Variants in BRWD3 observed in about 807,000 individuals in gnomAD.
BRWD3 encodes bromodomain and WD repeat-containing protein 3.
BRWD3 carries 10 observed loss-of-function variants against 149.7 expected under a neutral mutation model. The ratio of observed to expected loss-of-function variants is 0.07; its 90% confidence interval spans 0.04 to 0.11. The LOEUF (loss-of-function observed/expected upper bound fraction) is 0.11, where lower values mean the gene tolerates loss of function less well. BRWD3 is among the 10% of genes least tolerant of loss of function. BRWD3 has a pLI of 1.00. For missense variants in BRWD3, 940 were observed against 1,373.2 expected, an observed-to-expected ratio of 0.68 and a Z score of 4.99; for synonymous variants, 504 against 456.7, an observed-to-expected ratio of 1.10 and a Z score of -1.32.
At chrX:80,807,835 T>C (rs1009273407) in intron 4 of BRWD3, among the ~76,000 whole-genome samples, 4 of 111,669 alleles carry the variant, frequency 3.6e-5, no homozygotes, top group African/African-American at 9.8e-5. Flanking sequence ...TAACTCAGTT[T>C]CTATTTAGTG....
At chrX:80,689,720 A>G in intron 33 of BRWD3, 48 bp downstream of exon 33, 1 of 1,060,371 alleles carries the variant, frequency 9.4e-7, no homozygotes, top group Non-Finnish European at 1.3e-6. Context: ...CTGTACTTCA[A>G]ATAAGAGAAA....
At chrX:80,732,221 C>A (rs1301905682) in intron 12 of BRWD3, among the ~76,000 whole-genome samples, 5 of 112,131 alleles carry the variant, frequency 4.5e-5, no homozygotes, top group African/African-American at 9.7e-5. Context: ...ATATCCACTT[C>A]CGGTATACCA....
chrX:80,786,563 T>C lies in BRWD3; in HGVS notation c.430+5291A>G, dbSNP rs888251017. 4.5e-5 allele frequency among the ~76,000 whole-genome samples: 5 copies of C among 110,961 alleles called. 1 individual carries two copies. The highest frequency in any genetic ancestry group is 3.9e-4 in the Admixed American group (4 of 10,382). On this transcript the variant is annotated intron_variant, in intron 6 of 40. Transcript: ENST00000373275. ...TCTTGCTCTGTCGCCCAGGCTGGAA[T>C]GCAGTCAGTCGTGCAATTTTGGCTC...
intron 14 of BRWD3, among the ~76,000 whole-genome samples, chrX:80,728,045 GT>G (rs1187568222): frequency 8.9e-6 from 1 of 111,857 alleles, no homozygotes; most frequent in Non-Finnish European, 1.9e-5. Context: ...CCATGATATA[GT>G]ATAAAGACAA....
At position 80,733,276 on chromosome X, in the gene BRWD3, T is replaced by C. The variant is rs78935190; in HGVS notation, c.1127+180A>G. 6.5e-5 allele frequency: 26 copies of C among 397,988 alleles called. No individual in the cohort carries two copies. In the East Asian group the frequency reaches 9.6e-4, roughly 15 times the overall value. 32.8% of individuals were successfully genotyped at this position (397,988 alleles called of 1,213,427 possible). ...GAAAGGACGACCTGATAGGCTATGG[T>C]TACTACTTGGATGAGATTGTGGAAG... is the stretch of plus-strand genomic sequence containing the variant. On this transcript the variant is annotated intron_variant, in intron 12 of 40. Coordinates refer to ENST00000373275, the MANE Select transcript of BRWD3 (RefSeq NM_153252.5).
At chrX:80,753,040 T>C (rs1314259670) in intron 6 of BRWD3, among the ~76,000 whole-genome samples, 2 of 111,680 alleles carry the variant, frequency 1.8e-5, no homozygotes, top group Non-Finnish European at 3.8e-5. Flanking sequence ...TTTAACCACT[T>C]GTTAATGGGA....
intron 6 of BRWD3, among the ~76,000 whole-genome samples, chrX:80,789,022 T>G (rs1293433560): frequency 1.8e-5 from 2 of 112,029 alleles, no homozygotes; most frequent in Admixed American, 9.5e-5. Context: ...TTGTCAAAAC[T>G]TATTGAACTG....
At chrX:80,726,181 TAACATATAACAC>T (rs1296990302) in intron 14 of BRWD3, among the ~76,000 whole-genome samples, 10 of 107,679 alleles carry the variant, frequency 9.3e-5, no homozygotes, top group Non-Finnish European at 1.2e-4. Context: ...TATGTCTGTA[TAACATATAACAC>T]GTTTACATGT....
At chrX:80,787,893 AC>A (rs1484451153) in intron 6 of BRWD3, among the ~76,000 whole-genome samples, 1 of 108,323 alleles carries the variant, frequency 9.2e-6, no homozygotes, top group East Asian at 2.9e-4. Flanking sequence ...GACCATCCTG[AC>A]TAACACGGTG....
intron 19 of BRWD3, 105 bp downstream of exon 19, chrX:80,717,468 T>C (rs2073089210): frequency 1.2e-6 from 1 of 815,884 alleles, no homozygotes. Context: ...ATGACTAAAC[T>C]ATATTTTAAA....
chrX:80,772,057 T>C (rs1310878377), intron 6 of BRWD3, among the ~76,000 whole-genome samples: 2 of 111,788 alleles, frequency 1.8e-5, no homozygotes, highest in African/African-American at 6.5e-5. Context: ...GAAGACAGTG[T>C]GGCGATTCCT....
At chrX:80,777,559 A>C (rs1203689724) in intron 6 of BRWD3, among the ~76,000 whole-genome samples, 1 of 109,629 alleles carries the variant, frequency 9.1e-6, no homozygotes, top group Non-Finnish European at 1.9e-5. Flanking sequence ...CACCTGGCTA[A>C]TTTTTTATTG....
intron 9 of BRWD3, among the ~76,000 whole-genome samples, chrX:80,735,629 C>T (rs1272372258): frequency 9.1e-6 from 1 of 109,339 alleles, no homozygotes; most frequent in East Asian, 2.9e-4. Context: ...ACGGTGAAAC[C>T]CTGTCTCTAC....
intron 12 of BRWD3, chrX:80,733,247 C>T: frequency 2.9e-6 from 1 of 346,490 alleles, no homozygotes; most frequent in Non-Finnish European, 5.1e-6. Context: ...GAAGAAAGCA[C>T]TCAGAAAGGA....
At chrX:80,699,410 T>C (rs991396706) in intron 25 of BRWD3, among the ~76,000 whole-genome samples, 11 of 110,882 alleles carry the variant, frequency 9.9e-5, no homozygotes, top group African/African-American at 3.6e-4. Context: ...TGTCTGTCTG[T>C]ATGTGCATGT....
rs757937340 is a variant in BRWD3 at position 80,676,921 on chromosome X, T to G, written c.5097A>C (p.Arg1699Ser). 5 of 1,203,467 alleles carry G rather than the reference T, an allele frequency of 4.2e-6. No individual in the cohort carries two copies. The highest frequency in any genetic ancestry group is 4.5e-6 in the Non-Finnish European group (4 of 888,645). The part of the protein sequence containing the change: ...RGGRGRGSRG[R>S]GGGGTRGRGR... Reference sequence around the variant, plus strand: ...CCCTCCCCCTAGTGCCACCTCCACCTCTTCCTCGACTCCCTCGTCCCCTGC... The same window carrying G: ...CCCTCCCCCTAGTGCCACCTCCACCGCTTCCTCGACTCCCTCGTCCCCTGC... The change falls in exon 41 of 41, where the codon AGA becomes AGC. Residue 1699 changes from arginine to serine, a missense_variant. This residue lies in a region of BRWD3 where 349 missense variants were observed against 419.6 expected (regional missense o/e 0.83). Transcript: ENST00000373275.
At chrX:80,735,317 C>T (rs1255618814) in intron 9 of BRWD3, 120 bp from the exon 10 acceptor site, 4 of 568,142 alleles carry the variant, frequency 7.0e-6, no homozygotes, top group South Asian at 2.6e-5. Context: ...ACAAAAGGAA[C>T]GTGGTCAATA....
chrX:80,682,122 C>T (rs1602299470), intron 38 of BRWD3, 28 bp from the exon 39 acceptor site: 3 of 1,108,427 alleles, frequency 2.7e-6, no homozygotes, highest in Non-Finnish European at 3.7e-6. Context: ...TAACAACGAG[C>T]ATTTTTTTTT....
intron 6 of BRWD3, among the ~76,000 whole-genome samples, chrX:80,785,768 C>T (rs1256669619): frequency 8.9e-6 from 1 of 112,174 alleles, no homozygotes; most frequent in Non-Finnish European, 1.9e-5. Flanking sequence ...TAGTTCACAC[C>T]TATAATCCTA....
Sources: gnomAD v4.1 joint callset for allele counts (sites outside exome capture counted in the v4.1 genomes callset) on GRCh38, gnomAD v4.1.1 for gene constraint, gnomAD v4.1.1 regional missense constraint, MANE v1.5 for transcripts, NCBI Gene and HGNC (gene_info 2026-07-23, HGNC 2026-07-21) for gene names.